Variants in MACROD2 observed in about 807,000 individuals in gnomAD.
MACROD2 encodes the protein ADP-ribose glycohydrolase MACROD2.
A neutral mutation model predicts 70.4 loss-of-function variants in MACROD2; 36 were observed. The ratio of observed to expected loss-of-function variants is 0.51; its 90% CI spans 0.39 to 0.68. The LOEUF is 0.68. Among genes scored for constraint, MACROD2 ranks in the 30% least tolerant of loss-of-function variants. MACROD2 has a pLI of 0.00. For synonymous variants in MACROD2, 172 were observed against 178.8 expected (o/e 0.96, Z 0.30); for missense variants, 496 against 538.4 (o/e 0.92, Z 0.78).
At chr20:15,903,273 C>T (rs563915770) in intron 10 of MACROD2, among the ~76,000 whole-genome samples, 169 of 152,100 alleles carry the variant, frequency 1.1e-3, no homozygotes, top group African/African-American at 3.9e-3. Flanking sequence ...ACCCGGGAGA[C>T]GGAGGTTGCA....
chr20:14,679,920 G>T (rs1038703007), intron 4 of MACROD2, among the ~76,000 whole-genome samples: 1 of 152,100 alleles, frequency 6.6e-6, no homozygotes. Context: ...TTGTTTATTG[G>T]CACTAGCAAG....
chr20:14,159,788 C>T (rs925917492), intron 3 of MACROD2, among the ~76,000 whole-genome samples: 4 of 152,054 alleles, frequency 2.6e-5, no homozygotes, highest in African/African-American at 4.8e-5. Flanking sequence ...AGTGGACATC[C>T]TTGTCTTGTT....
chr20:14,369,742 AT>A (rs2083305483), intron 3 of MACROD2, among the ~76,000 whole-genome samples: 1 of 152,140 alleles, frequency 6.6e-6, no homozygotes, highest in South Asian at 2.1e-4. Flanking sequence ...GCATATATTT[AT>A]TTTAGAATAT....
At chr20:15,779,519 A>G (rs1025708659) in intron 8 of MACROD2, among the ~76,000 whole-genome samples, 1 of 152,176 alleles carries the variant, frequency 6.6e-6, no homozygotes. Flanking sequence ...CAGCAGGAAA[A>G]GAGTTCTCTG....
intron 3 of MACROD2, among the ~76,000 whole-genome samples, chr20:14,222,619 A>G (rs2081686512): frequency 6.6e-6 from 1 of 152,116 alleles, no homozygotes; most frequent in Non-Finnish European, 1.5e-5. Flanking sequence ...TTGCACTTAT[A>G]CCTCATACAT....
intron 10 of MACROD2, among the ~76,000 whole-genome samples, chr20:15,930,236 A>T (rs2065553807): frequency 6.6e-6 from 1 of 152,174 alleles, no homozygotes; most frequent in Admixed American, 6.5e-5. Context: ...AGCTAGACAG[A>T]CAAGGCTGAT....
chr20:14,008,000 A>G (rs1257490872), intron 2 of MACROD2, among the ~76,000 whole-genome samples: 2 of 152,204 alleles, frequency 1.3e-5, no homozygotes, highest in Non-Finnish European at 2.9e-5. Context: ...TTAAAGAGCC[A>G]TCTATGATAA....
chr20:14,138,607 T>C (rs554881877), intron 3 of MACROD2, among the ~76,000 whole-genome samples: 1 of 152,112 alleles, frequency 6.6e-6, no homozygotes, highest in Non-Finnish European at 1.5e-5. Flanking sequence ...GGAATAGTGA[T>C]TGCCGGTGGC....
chr20:15,598,602 G>A (rs1281520966), intron 8 of MACROD2, among the ~76,000 whole-genome samples: 1 of 152,204 alleles, frequency 6.6e-6, no homozygotes, highest in East Asian at 1.9e-4. Context: ...TATCTGCAAT[G>A]TACATTTTGC....
At chr20:14,215,337 T>TACACACACACAC (rs199684417) in intron 3 of MACROD2, among the ~76,000 whole-genome samples, 197 of 131,088 alleles carry the variant, frequency 1.5e-3, no homozygotes, top group Middle Eastern at 8.1e-3. Context: ...CCATCATATA[T>TACACACACACAC]ACACACACAC....
intron 3 of MACROD2, among the ~76,000 whole-genome samples, chr20:14,286,878 T>C (rs2082349075): frequency 6.6e-6 from 1 of 152,234 alleles, no homozygotes. Context: ...AGCTAGGTGA[T>C]ATTAAAATGT....
intron 5 of MACROD2, among the ~76,000 whole-genome samples, chr20:14,925,676 A>G (rs2074221774): frequency 1.3e-5 from 2 of 152,210 alleles, no homozygotes. Context: ...TGTGATTTGT[A>G]TAGCGTAGAA....
intron 5 of MACROD2, among the ~76,000 whole-genome samples, chr20:14,704,065 A>G (rs2071238878): frequency 1.3e-5 from 2 of 152,250 alleles, no homozygotes; most frequent in Admixed American, 1.3e-4. Context: ...AAAACAATAC[A>G]TTAATGGTCT....
intron 15 of MACROD2, among the ~76,000 whole-genome samples, chr20:16,005,918 G>T (rs2066781664): frequency 6.6e-6 from 1 of 152,152 alleles, no homozygotes; most frequent in African/African-American, 2.4e-5. Flanking sequence ...CAGATGGTTT[G>T]AGATTTTCAC....
At chr20:14,485,701 CAA>C (rs1276490399) in intron 3 of MACROD2, among the ~76,000 whole-genome samples, 10 of 61,856 alleles carry the variant, frequency 1.6e-4, no homozygotes, top group Non-Finnish European at 1.1e-4. Flanking sequence ...GACTCCGTCT[CAA>C]AAAAAAAAAA....
chr20:14,231,201 A>G (rs1410876912), intron 3 of MACROD2, among the ~76,000 whole-genome samples: 1 of 151,444 alleles, frequency 6.6e-6, no homozygotes, highest in African/African-American at 2.4e-5. Flanking sequence ...GGTTAGTTAC[A>G]TATGTATACA....
intron 6 of MACROD2, among the ~76,000 whole-genome samples, chr20:15,265,120 C>G (rs148658345): frequency 3.9e-4 from 59 of 152,220 alleles, no homozygotes; most frequent in African/African-American, 1.3e-3. Flanking sequence ...TTGATTTAGT[C>G]TTTGGCTTTA....
At chr20:15,968,543 C>A (rs1042245690) in intron 13 of MACROD2, among the ~76,000 whole-genome samples, 3 of 151,498 alleles carry the variant, frequency 2.0e-5, no homozygotes, top group Admixed American at 2.0e-4. Context: ...ATTAAATGTA[C>A]AAAAATGTTG....
intron 2 of MACROD2, among the ~76,000 whole-genome samples, chr20:14,017,298 T>A (rs911941472): frequency 2.0e-5 from 3 of 152,132 alleles, no homozygotes; most frequent in Admixed American, 6.5e-5. Flanking sequence ...CCTTTCTAGT[T>A]TGAATGTCTT....
Sources: gnomAD v4.1 joint callset for allele counts (sites outside exome capture counted in the v4.1 genomes callset) on GRCh38, gnomAD v4.1.1 for gene constraint, MANE v1.5 for transcripts, NCBI Gene and HGNC (gene_info 2026-07-23, HGNC 2026-07-21) for gene names.